COL18A1: variants seen among roughly 807,000 people sequenced by gnomAD.
The protein encoded by COL18A1 is collagen type XVIII alpha 1 chain, also known as collagen alpha-1(XVIII) chain.
COL18A1 carries 133 observed loss-of-function variants against 168.0 expected under a neutral mutation model. The observed-to-expected ratio is 0.79, with a 90% CI of 0.69 to 0.91. The LOEUF is 0.91. Among genes scored for constraint, COL18A1 ranks in the 40% least tolerant of loss-of-function variants. The pLI is 0.00. For synonymous variants in COL18A1, 949 were observed against 809.0 expected (o/e 1.17, Z -2.94); for missense variants, 2,126 against 1,925.4 (o/e 1.10, Z -1.95).
intron 11 of COL18A1, 103 bp from the exon 12 acceptor site, chr21:45,480,364 T>A: frequency 1.2e-6 from 2 of 1,604,526 alleles, no homozygotes; most frequent in Non-Finnish European, 1.7e-6. Flanking sequence ...TCTCAGCTCC[T>A]TGTAGAAACA....
intron 2 of COL18A1, among the ~76,000 whole-genome samples, chr21:45,428,272 A>T (rs1395420828): frequency 6.6e-6 from 1 of 152,106 alleles, no homozygotes; most frequent in Non-Finnish European, 1.5e-5. Context: ...AGACTGGCTG[A>T]GCCCGCTCTG....
At chr21:45,508,498 G>A (rs999784925) in intron 38 of COL18A1, among the ~76,000 whole-genome samples, 7 of 150,480 alleles carry the variant, frequency 4.7e-5, no homozygotes, top group South Asian at 2.1e-4. Flanking sequence ...TGGGTGGATG[G>A]ATGGTGGGTA....
At position 45,468,797 on chromosome 21, in the gene COL18A1, C is replaced by T; in HGVS notation, c.651+11C>T. 7.0e-7 allele frequency: 1 copy of T among 1,437,756 alleles called. No homozygotes were observed. Among genetic ancestry groups the T allele is most frequent in the East Asian group, 2.9e-5 (1 of 34,384 alleles). 89.1% of individuals were successfully genotyped at this position (1,437,756 alleles called of 1,614,324 possible). A position where few individuals can be genotyped will look rare whatever the true frequency, so the allele number is the denominator to read the frequency against. On this transcript the variant is annotated intron_variant, in intron 3 of 41. Transcript: ENST00000651438. The stretch of plus-strand genomic sequence containing the variant: ...CCTGACAAGTTCCAGGTAACCCCCA[C>T]TGTGCCGTCGCTGGGGGACTGGAGC...
Position 45,486,944 on chromosome 21 carries a change from C to A in COL18A1, c.1785C>A (p.Gly595=). 6.7e-7 allele frequency: 1 copy of A among 1,486,586 alleles called. No homozygotes were observed. Among genetic ancestry groups the A allele is most frequent in the South Asian group, 1.3e-5 (1 of 76,948 alleles). The allele number at this position is 1,486,586 out of a possible 1,614,324, so 92.1% of individuals were successfully genotyped here. ...CCCCCGGACCTGCTGGACCACCAGGCCCCCCTGGGCCCCCTGGGCCCCCAG... is the reference window on the plus strand; with the variant it reads ...CCCCCGGACCTGCTGGACCACCAGGACCCCCTGGGCCCCCTGGGCCCCCAG... The part of the protein sequence containing the change: ...AGAPGPAGPP[G]PPGPPGPPGP... The change falls in exon 16 of 42, where the codon GGC becomes GGA. Residue 595 remains glycine (G), a synonymous_variant. Coordinates refer to ENST00000651438, the MANE Select transcript of COL18A1 (RefSeq NM_001379500.1).
rs144753292 is a variant in COL18A1 at position 45,429,845 on chromosome 21, G to A, written c.106+24372G>A. Among the ~76,000 whole-genome samples, 852 of 152,332 alleles carry A rather than the reference G, an allele frequency of 5.6e-3. 7 individuals are homozygous for A. Among genetic ancestry groups the A allele is most frequent in the African/African-American group, 0.02 (813 of 41,570 alleles). On this transcript the variant is annotated intron_variant, in intron 2 of 41. Transcript: ENST00000651438. ...CCTGCCCGCCTTGGTTCAGCAGAAC[G>A]GCTCCTGTCTCTACAGCGGTGCCAG...
At chr21:45,465,622 C>T (rs528140173) in intron 2 of COL18A1, among the ~76,000 whole-genome samples, 3 of 152,272 alleles carry the variant, frequency 2.0e-5, no homozygotes, top group South Asian at 2.1e-4. Context: ...CATGTGGGCA[C>T]GAGCGGCCCT....
chr21:45,451,162 T>C (rs904570558), intron 2 of COL18A1, among the ~76,000 whole-genome samples: 6 of 152,336 alleles, frequency 3.9e-5, no homozygotes, highest in African/African-American at 1.2e-4. Flanking sequence ...GGGTAGCCCA[T>C]GGCTACAGCT....
rs959208052 is a variant in COL18A1, at chr21:45,430,890, G to A, written c.106+25417G>A. 2.0e-5 allele frequency among the ~76,000 whole-genome samples: 3 copies of A among 152,228 alleles called. 1 individual carries two copies. The highest frequency in any genetic ancestry group is 6.3e-3 in the Middle Eastern group (2 of 316). On this transcript the variant is annotated intron_variant, in intron 2 of 41. Coordinates refer to ENST00000651438, the MANE Select transcript of COL18A1 (RefSeq NM_001379500.1). ...GGCAGGGTCAGCTCGGGAGCAAGGC[G>A]GATCAGATGGAACAGAACACGTAGA...
chr21:45,455,618 T>G, intron 2 of COL18A1: 1 of 1,613,964 alleles, frequency 6.2e-7, no homozygotes, highest in Non-Finnish European at 8.5e-7. Flanking sequence ...GAACCTGAAC[T>G]GGCTTTGGTT....
At position 45,482,053 on chromosome 21, in the gene COL18A1, G is replaced by A. The variant is rs750982176; in HGVS notation, c.1674+28G>A. Reference sequence around the variant, plus strand: ...AAGTCTTCCCTCGAGTCCAGGGTGAGTGGGAACCAGCACCACACCATGTGG... The same window carrying A: ...AAGTCTTCCCTCGAGTCCAGGGTGAATGGGAACCAGCACCACACCATGTGG... On this transcript the variant is annotated intron_variant, in intron 14 of 41. Coordinates refer to ENST00000651438, the MANE Select transcript of COL18A1 (RefSeq NM_001379500.1). 3.8e-6 allele frequency: 6 copies of A among 1,591,068 alleles called. No individual in the cohort carries two copies. The East Asian group carries it at 1.3e-4, about 36-fold the overall frequency.
At chr21:45,444,374 G>A (rs369403830) in intron 2 of COL18A1, among the ~76,000 whole-genome samples, 3 of 152,140 alleles carry the variant, frequency 2.0e-5, no homozygotes, top group Non-Finnish European at 4.4e-5. Context: ...GGTGTGGGAT[G>A]TGCAGAGTGA....
At position 45,505,235 on chromosome 21, in the gene COL18A1, A is replaced by G. The variant is rs1004161700; in HGVS notation, c.2970A>G (p.Pro990=). 1.9e-6 allele frequency: 3 copies of G among 1,595,016 alleles called. No homozygotes were observed. The highest frequency in any genetic ancestry group is 1.1e-5 in the South Asian group (1 of 89,812). Residue 990 remains proline (P), a synonymous_variant, in exon 35 of 42, where the codon CCA becomes CCG. Transcript: ENST00000651438. ...GGCGCCAGGGCCCTCCCGGCCCCCCAGGCCCCCCAGGGCCCCCTTCATTTC... is the reference window on the plus strand; with the variant it reads ...GGCGCCAGGGCCCTCCCGGCCCCCCGGGCCCCCCAGGGCCCCCTTCATTTC... ...YEGRQGPPGP[P]GPPGPPSFPG...
chr21:45,509,406 C>T lies in COL18A1; in HGVS notation c.3300C>T (p.Ser1100=). ...CCCCCGTGGTGCAGCTGCACGACAG[C>T]AACCCCTACCCGCGGCGGGAGCACC... ...LQPPVVQLHD[S]NPYPRREHPH... Residue 1100 remains serine (S), a synonymous_variant, in exon 39 of 42, where the codon AGC becomes AGT. Coordinates refer to ENST00000651438, the MANE Select transcript of COL18A1 (RefSeq NM_001379500.1). 6 of 1,542,330 alleles carry T rather than the reference C, an allele frequency of 3.9e-6. No individual in the cohort carries two copies. The highest frequency in any genetic ancestry group is 5.2e-6 in the Non-Finnish European group (6 of 1,144,820).
chr21:45,509,900 G>A (rs1007084073), intron 39 of COL18A1, among the ~76,000 whole-genome samples, 164 bp from the exon 40 acceptor site: 1 of 152,208 alleles, frequency 6.6e-6, no homozygotes, highest in Non-Finnish European at 1.5e-5. Flanking sequence ...GGCAGCGTAT[G>A]GGGGCTGCTG....
At chr21:45,490,368 AG>A in intron 20 of COL18A1, 22 bp downstream of exon 20, 2 of 1,545,486 alleles carry the variant, frequency 1.3e-6, no homozygotes, top group Non-Finnish European at 1.8e-6. Context: ...TGGTGGGCCC[AG>A]GGTGCAGGGG....
intron 2 of COL18A1, chr21:45,455,817 C>T: frequency 6.2e-7 from 1 of 1,613,420 alleles, no homozygotes; most frequent in East Asian, 2.2e-5. Context: ...ACCCCCACTT[C>T]TGCCGAGAGC....
At chr21:45,429,750 T>G (rs1226156604) in intron 2 of COL18A1, among the ~76,000 whole-genome samples, 2 of 152,172 alleles carry the variant, frequency 1.3e-5, no homozygotes, top group African/African-American at 4.8e-5. Flanking sequence ...CAGTGTGTCC[T>G]CAGCTGCCAG....
Position 45,496,512 on chromosome 21 carries a change from C to T in COL18A1, c.2521C>T (p.Pro841Ser). The T allele has an allele frequency of 6.8e-7, 1 of 1,475,130 alleles. No individual in the cohort carries two copies. Among genetic ancestry groups the T allele is most frequent in the Non-Finnish European group, 9.5e-7 (1 of 1,053,968 alleles). The allele number at this position is 1,475,130 out of a possible 1,614,324, so 91.4% of individuals were successfully genotyped here. A position where few individuals can be genotyped will look rare whatever the true frequency, so the allele number is the denominator to read the frequency against. Residue 841 changes from proline to serine, a missense_variant, in exon 30 of 42, where the codon CCC becomes TCC. Transcript: ENST00000651438. ...GCCCTCCCCACAGGGAATGCCCGGC[C>T]CCCCAGGACCTCCAGGGCCCCCAGG... ...LGFGMRGMPGPPGPPGPPGPP... is the reference protein window; with the variant it reads ...LGFGMRGMPGSPGPPGPPGPP...
chr21:45,440,020 A>G (rs908720008), intron 2 of COL18A1, among the ~76,000 whole-genome samples: 5 of 152,230 alleles, frequency 3.3e-5, no homozygotes, highest in African/African-American at 1.2e-4. Flanking sequence ...CAGCACCCAG[A>G]AAGCGCCAGC....
Sources: gnomAD v4.1 joint callset for allele counts (sites outside exome capture counted in the v4.1 genomes callset) on GRCh38, gnomAD v4.1.1 for gene constraint, MANE v1.5 for transcripts, NCBI Gene and HGNC (gene_info 2026-07-23, HGNC 2026-07-21) for gene names.